The following KAT6A variants were observed in gnomAD, a reference collection of about 807,000 sequenced individuals.
KAT6A encodes the protein histone acetyltransferase KAT6A.
A neutral mutation model predicts 198.4 loss-of-function variants in KAT6A; 9 were observed. The observed-to-expected ratio is 0.05, with a 90% CI of 0.03 to 0.08. The LOEUF (loss-of-function observed/expected upper bound fraction) is 0.08. Ranked by LOEUF, KAT6A falls within the 10% of genes least tolerant of loss-of-function variation. The pLI is 1.00. For missense variants in KAT6A, 2,077 were observed against 2,509.9 expected (o/e 0.83, Z 3.69); for synonymous variants, 890 against 883.0 (o/e 1.01, Z -0.14).
chr8:41,957,028 CCA>C (rs1486332688), intron 8 of KAT6A: 2 of 565,456 alleles, frequency 3.5e-6, no homozygotes, highest in African/African-American at 3.7e-5. Flanking sequence ...GATAGAAAGC[CCA>C]AAAGCTGAAG....
At chr8:41,967,600 T>C (rs1223630215) in intron 8 of KAT6A, among the ~76,000 whole-genome samples, 7 of 152,064 alleles carry the variant, frequency 4.6e-5, no homozygotes, top group African/African-American at 1.4e-4. Context: ...TCCAATTTCA[T>C]CCATGTCCCT....
chr8:41,946,585 C>T lies in KAT6A; in HGVS notation c.1996+6G>A. The T allele has an allele frequency of 6.9e-7, 1 of 1,457,820 alleles. No individual in the cohort carries two copies. Among genetic ancestry groups the T allele is most frequent in the South Asian group, 1.1e-5 (1 of 87,878 alleles). 90.3% of individuals were successfully genotyped at this position (1,457,820 alleles called of 1,614,324 possible). A position where few individuals can be genotyped will look rare whatever the true frequency, so the allele number is the denominator to read the frequency against. On this transcript the variant is annotated splice_donor_region_variant and intron_variant, in intron 12 of 16. Transcript: ENST00000265713. Reference sequence around the variant, plus strand: ...AAGACCAATGAGAAATTAATATAATCCTTACTGAAATCGATGAGAAACCTG... The same window carrying T: ...AAGACCAATGAGAAATTAATATAATTCTTACTGAAATCGATGAGAAACCTG...
intron 2 of KAT6A, among the ~76,000 whole-genome samples, chr8:41,992,891 G>T (rs1326935085): frequency 6.6e-6 from 1 of 151,894 alleles, no homozygotes; most frequent in East Asian, 1.9e-4. Context: ...AACATAAAAG[G>T]GAAAAAAAGG....
intron 2 of KAT6A, among the ~76,000 whole-genome samples, chr8:41,997,201 A>G (rs778357595): frequency 3.3e-5 from 5 of 152,238 alleles, no homozygotes; most frequent in Non-Finnish European, 7.3e-5. Flanking sequence ...TTTACAATAT[A>G]AAAATGAACA....
intron 8 of KAT6A, among the ~76,000 whole-genome samples, chr8:41,967,295 A>ATTTATTTATTTATTTT (rs1203378849): frequency 6.7e-6 from 1 of 149,690 alleles, no homozygotes; most frequent in African/African-American, 2.5e-5. Context: ...TTATTTATTT[A>ATTTATTTATTTATTTT]TTTATTTATT....
chr8:42,011,732 C>T (rs995766491), intron 2 of KAT6A, among the ~76,000 whole-genome samples: 9 of 150,400 alleles, frequency 6.0e-5, no homozygotes, highest in Admixed American at 6.0e-4. Context: ...AAGAGTGAAA[C>T]TCCATCTCAG....
chr8:41,938,954 GAAAAAAAAAAAAA>G (rs894664976), intron 15 of KAT6A, among the ~76,000 whole-genome samples: 1 of 75,748 alleles, frequency 1.3e-5, no homozygotes. Context: ...TCTGGGGAAG[GAAAAAAAAAAAAA>G]AAAAAAAAAA....
At position 42,006,854 on chromosome 8, in the gene KAT6A, G is replaced by A. The variant is rs543096503; in HGVS notation, c.601-19291C>T. On this transcript the variant is annotated intron_variant, in intron 2 of 16. Coordinates refer to ENST00000265713, the MANE Select transcript of KAT6A (RefSeq NM_006766.5). ...CTACTAAAAATACAAAAATTAGCTG[G>A]GCATGGTGATGCACACCTGTAATCC... is the stretch of plus-strand genomic sequence containing the variant. Among the ~76,000 whole-genome samples, 18 of 151,902 alleles carry A rather than the reference G, an allele frequency of 1.2e-4. 1 individual carries two copies. The highest frequency in any genetic ancestry group is 4.3e-4 in the African/African-American group (18 of 41,438).
At chr8:42,028,347 T>C (rs1001133711) in intron 2 of KAT6A, among the ~76,000 whole-genome samples, 4 of 152,196 alleles carry the variant, frequency 2.6e-5, no homozygotes, top group African/African-American at 9.6e-5. Flanking sequence ...TCCCCAACTA[T>C]TACCATATTG....
At position 41,930,098 on chromosome 8, in the gene KAT6A, G is replaced by C. The variant is rs937856651; in HGVS notation, c.*2107C>G. 1 of 231,456 alleles carries C rather than the reference G, an allele frequency of 4.3e-6. No homozygotes were observed. Among genetic ancestry groups the C allele is most frequent in the Non-Finnish European group, 8.5e-6 (1 of 117,146 alleles). The allele number at this position is 231,456 out of a possible 1,614,324, so 14.3% of individuals were successfully genotyped here. On this transcript the variant is annotated 3_prime_UTR_variant, in exon 17 of 17. Transcript: ENST00000265713. Reference sequence around the variant, plus strand: ...GTTCTACAGTCACAAAGAGGCTTGTGGAAAAGGGAGCTGCCCGATTGAATT... The same window carrying C: ...GTTCTACAGTCACAAAGAGGCTTGTCGAAAAGGGAGCTGCCCGATTGAATT...
At chr8:41,972,095 C>T (rs1823821464) in intron 8 of KAT6A, among the ~76,000 whole-genome samples, 1 of 152,066 alleles carries the variant, frequency 6.6e-6, no homozygotes, top group Non-Finnish European at 1.5e-5. Flanking sequence ...AGGAGTTCCC[C>T]TCTGCCTAAA....
chr8:41,969,925 A>T (rs973610606), intron 8 of KAT6A, among the ~76,000 whole-genome samples: 1 of 152,120 alleles, frequency 6.6e-6, no homozygotes, highest in Admixed American at 6.5e-5. Flanking sequence ...TGACTTTTGA[A>T]TACTCTTTTG....
intron 2 of KAT6A, among the ~76,000 whole-genome samples, chr8:42,022,207 TA>T (rs1201050186): frequency 2.0e-5 from 3 of 152,050 alleles, no homozygotes; most frequent in Non-Finnish European, 4.4e-5. Context: ...AATGGGCACT[TA>T]AAAAGACTGA....
In KAT6A at chr8:41,987,125, T is replaced by G. The variant is rs116883647; in HGVS notation, c.709+330A>C. 0.034 allele frequency among the ~76,000 whole-genome samples: 5,177 copies of G among 152,258 alleles called. 230 individuals carry two copies. Among genetic ancestry groups the G allele is most frequent in the South Asian group, 0.15 (715 of 4,820 alleles). On this transcript the variant is annotated intron_variant, in intron 3 of 16. Coordinates refer to ENST00000265713, the MANE Select transcript of KAT6A (RefSeq NM_006766.5). ...ATTTTTACTGTACCTTTTCTACATT[T>G]AGATATGTTTAGATACACAAATATT...
intron 8 of KAT6A, among the ~76,000 whole-genome samples, chr8:41,962,479 A>G (rs923006301): frequency 6.6e-6 from 1 of 152,034 alleles, no homozygotes; most frequent in South Asian, 2.1e-4. Context: ...ACATATCCCA[A>G]TGGGTCTACC....
chr8:41,933,679 G>A lies in KAT6A; in HGVS notation c.4541C>T (p.Pro1514Leu). 1 of 1,614,106 alleles carries A rather than the reference G, an allele frequency of 6.2e-7. No homozygotes were observed. The highest frequency in any genetic ancestry group is 1.1e-5 in the South Asian group (1 of 91,080). ...ALESGYTQIS[P>L]EQGSLSAPSM... Reference sequence around the variant, plus strand: ...GGGTGCGGACAGGGATCCTTGTTCTGGGCTGATCTGGGTGTAGCCACTCTC... The same window carrying A: ...GGGTGCGGACAGGGATCCTTGTTCTAGGCTGATCTGGGTGTAGCCACTCTC... The change falls in exon 17 of 17, where the codon CCA (proline) becomes CTA (leucine). Residue 1514 changes from proline to leucine, a missense_variant. By Grantham distance (98) the Pro-to-Leu change is moderately conservative (BLOSUM62 -3). Transcript: ENST00000265713. This position sits in a 1 kb window ranked among gnomAD's most constrained non-coding sequence, Gnocchi z 6.2.
chr8:41,953,887 T>C (rs1822791584), intron 9 of KAT6A, among the ~76,000 whole-genome samples: 1 of 152,226 alleles, frequency 6.6e-6, no homozygotes, highest in Non-Finnish European at 1.5e-5. Flanking sequence ...TATATACATA[T>C]ACAATACATA....
chr8:41,966,123 C>T (rs993106077), intron 8 of KAT6A, among the ~76,000 whole-genome samples: 2 of 151,990 alleles, frequency 1.3e-5, no homozygotes, highest in Non-Finnish European at 2.9e-5. Context: ...GATATTTGCA[C>T]AGAACTTACA....
intron 14 of KAT6A, 133 bp from the exon 15 acceptor site, chr8:41,941,577 A>G: frequency 1.1e-6 from 1 of 884,474 alleles, no homozygotes; most frequent in Non-Finnish European, 1.7e-6. Context: ...CAGTTATTTA[A>G]CATGGATATT....
Sources: gnomAD v4.1 joint callset for allele counts (sites outside exome capture counted in the v4.1 genomes callset) on GRCh38, gnomAD v4.1.1 for gene constraint, Gnocchi (gnomAD v3.1) non-coding constraint, MANE v1.5 for transcripts, NCBI Gene and HGNC (gene_info 2026-07-23, HGNC 2026-07-21) for gene names.